Variants in CPED1 observed in about 807,000 individuals in gnomAD.
CPED1 encodes the protein cadherin-like and PC-esterase domain-containing protein 1.
CPED1 carries 114 observed loss-of-function variants against 128.2 expected under a neutral mutation model. The ratio of observed to expected loss-of-function variants is 0.89; its 90% CI spans 0.76 to 1.04. The LOEUF (loss-of-function observed/expected upper bound fraction) is 1.04, where lower values mean the gene tolerates loss of function less well. Ranked by LOEUF, CPED1 falls within the 50% of genes least tolerant of loss-of-function variation. CPED1 has a pLI of 0.00. For synonymous variants in CPED1, 462 were observed against 426.7 expected (o/e 1.08, Z -1.02); for missense variants, 1,211 against 1,207.1 (o/e 1.00, Z -0.05).
intron 2 of CPED1, among the ~76,000 whole-genome samples, chr7:121,010,755 AGTTAAG>A (rs1792142651): frequency 1.3e-5 from 2 of 152,154 alleles, no homozygotes; most frequent in Admixed American, 1.3e-4. Context: ...CTTGAGATTC[AGTTAAG>A]TCAGCTGTAA....
intron 22 of CPED1, among the ~76,000 whole-genome samples, chr7:121,280,908 A>C (rs1792448850): frequency 6.6e-6 from 1 of 152,174 alleles, no homozygotes; most frequent in Non-Finnish European, 1.5e-5. Flanking sequence ...AAAGTACTTC[A>C]ACAGTATACA....
intron 16 of CPED1, among the ~76,000 whole-genome samples, chr7:121,236,336 A>T (rs1023991280): frequency 3.3e-5 from 5 of 152,162 alleles, no homozygotes; most frequent in Admixed American, 2.6e-4. Flanking sequence ...AATGAAATTC[A>T]TCTGTTAAAT....
At chr7:121,181,309 G>A (rs976895074) in intron 16 of CPED1, among the ~76,000 whole-genome samples, 13 of 151,964 alleles carry the variant, frequency 8.6e-5, no homozygotes, top group Admixed American at 3.9e-4. Flanking sequence ...AATATTCCAC[G>A]CAGAGGGAAC....
At chr7:121,012,927 G>A (rs1019981988) in intron 2 of CPED1, among the ~76,000 whole-genome samples, 14 of 152,204 alleles carry the variant, frequency 9.2e-5, no homozygotes, top group African/African-American at 3.1e-4. Context: ...TGGGGGAAAA[G>A]AGGATGGTAT....
Position 121,117,077 on chromosome 7 carries a change from T to TTATATATATATATA in CPED1, c.919-7245_919-7232dup, listed in dbSNP as rs34007948. Among the ~76,000 whole-genome samples, 136 of 128,764 alleles carry TTATATATATATATA rather than the reference T, an allele frequency of 1.1e-3. 1 individual carries two copies. Among genetic ancestry groups the TTATATATATATATA allele is most frequent in the South Asian group, 6.5e-3 (27 of 4,176 alleles). The allele number at this position is 128,764 out of a possible 152,430, so 84.5% of individuals were successfully genotyped here. ...CACACATTTTATATATATATACACA[T>TTATATATATATATA]TATATATATATATATATATATAAAT... On this transcript the variant is annotated intron_variant, in intron 7 of 22. Coordinates refer to ENST00000310396, the MANE Select transcript of CPED1 (RefSeq NM_024913.5).
At chr7:121,023,186 A>G (rs1792486916) in intron 3 of CPED1, among the ~76,000 whole-genome samples, 1 of 152,156 alleles carries the variant, frequency 6.6e-6, no homozygotes, top group Non-Finnish European at 1.5e-5. Flanking sequence ...CAGAAGCCAG[A>G]ACTGTAGCAG....
chr7:121,006,394 C>T (rs1041014999), intron 2 of CPED1, among the ~76,000 whole-genome samples: 1 of 152,038 alleles, frequency 6.6e-6, no homozygotes, highest in South Asian at 2.1e-4. Flanking sequence ...AGAGCATTTA[C>T]TTTAACACCA....
intron 18 of CPED1, among the ~76,000 whole-genome samples, chr7:121,264,596 A>G (rs527808443): frequency 2.0e-5 from 3 of 152,164 alleles, no homozygotes; most frequent in African/African-American, 7.2e-5. Context: ...CTACTTGGAT[A>G]CGCTCACCAT....
intron 16 of CPED1, among the ~76,000 whole-genome samples, chr7:121,197,685 TAGA>T (rs1797302540): frequency 6.6e-6 from 1 of 152,070 alleles, no homozygotes; most frequent in Non-Finnish European, 1.5e-5. Context: ...GAGGTAACAG[TAGA>T]AGAATTCTTA....
At chr7:121,106,785 C>T (rs187092844) in intron 7 of CPED1, among the ~76,000 whole-genome samples, 10 of 152,160 alleles carry the variant, frequency 6.6e-5, no homozygotes, top group East Asian at 1.9e-4. Context: ...GTGTATTGCC[C>T]GTGAACTTCA....
At chr7:121,217,395 C>T (rs1264141035) in intron 16 of CPED1, among the ~76,000 whole-genome samples, 1 of 152,034 alleles carries the variant, frequency 6.6e-6, no homozygotes, top group African/African-American at 2.4e-5. Flanking sequence ...ATCTAGACAG[C>T]TCCATGTAAA....
chr7:121,075,789 T>C (rs1326237240), intron 5 of CPED1, among the ~76,000 whole-genome samples: 1 of 152,214 alleles, frequency 6.6e-6, no homozygotes, highest in Non-Finnish European at 1.5e-5. Flanking sequence ...AATCTACATA[T>C]ATTTTACATT....
chr7:121,247,296 TA>T (rs1470303265), intron 18 of CPED1, among the ~76,000 whole-genome samples: 1 of 152,032 alleles, frequency 6.6e-6, no homozygotes, highest in Non-Finnish European at 1.5e-5. Context: ...AGTAATTTGA[TA>T]GGGGGAGAGG....
At chr7:121,032,550 G>A (rs1182097760) in intron 3 of CPED1, among the ~76,000 whole-genome samples, 6 of 149,272 alleles carry the variant, frequency 4.0e-5, no homozygotes, top group Non-Finnish European at 1.5e-5. Context: ...GTGTCGGGGT[G>A]GTGGGGTGGG....
intron 5 of CPED1, among the ~76,000 whole-genome samples, chr7:121,090,111 G>A (rs1200986651): frequency 2.0e-5 from 3 of 152,170 alleles, no homozygotes; most frequent in African/African-American, 7.2e-5. Flanking sequence ...TATTTCTGTA[G>A]AATTGCATGA....
intron 17 of CPED1, among the ~76,000 whole-genome samples, chr7:121,243,873 T>C (rs561236029): frequency 2.0e-5 from 3 of 152,324 alleles, no homozygotes; most frequent in African/African-American, 7.2e-5. Flanking sequence ...TCCCAGTCTA[T>C]TAATGCTTTG....
At chr7:121,279,734 A>G (rs1053534798) in intron 22 of CPED1, among the ~76,000 whole-genome samples, 9 of 152,204 alleles carry the variant, frequency 5.9e-5, no homozygotes, top group East Asian at 1.9e-4. Context: ...GGGAATCTAT[A>G]TCATCACATA....
chr7:121,032,865 C>T (rs1161897632), intron 3 of CPED1, among the ~76,000 whole-genome samples: 1 of 152,088 alleles, frequency 6.6e-6, no homozygotes, highest in Admixed American at 6.6e-5. Context: ...CTGATATATC[C>T]TTGGCTGCTG....
intron 16 of CPED1, among the ~76,000 whole-genome samples, chr7:121,159,738 T>C (rs10215475): frequency 0.44 from 66,736 of 151,962 alleles, 15,938 homozygotes; most frequent in East Asian, 0.84. Context: ...ATATTACTCT[T>C]GTCTCTCTCC....
Sources: gnomAD v4.1 joint callset for allele counts (sites outside exome capture counted in the v4.1 genomes callset) on GRCh38, gnomAD v4.1.1 for gene constraint, MANE v1.5 for transcripts, NCBI Gene and HGNC (gene_info 2026-07-23, HGNC 2026-07-21) for gene names.